Variants in HSD17B12 observed in about 807,000 individuals in gnomAD.
HSD17B12 encodes hydroxysteroid 17-beta dehydrogenase 12.
A neutral mutation model predicts 39.3 loss-of-function variants in HSD17B12; 32 were observed. The observed-to-expected ratio is 0.81, with a 90% confidence interval of 0.61 to 1.09. HSD17B12 has a LOEUF of 1.09. HSD17B12 is among the 50% of genes least tolerant of loss of function. The pLI is 0.00. For missense variants in HSD17B12, 342 were observed against 382.9 expected (o/e 0.89, Z 0.89); for synonymous variants, 150 against 146.7 (o/e 1.02, Z -0.16).
chr11:43,713,918 A>G (rs906522399), intron 1 of HSD17B12, among the ~76,000 whole-genome samples: 1 of 152,192 alleles, frequency 6.6e-6, no homozygotes, highest in Admixed American at 6.5e-5. Flanking sequence ...GGCTGCATAA[A>G]TGTCTTCTTT....
At chr11:43,752,799 C>T (rs906363667) in intron 2 of HSD17B12, among the ~76,000 whole-genome samples, 21 of 152,116 alleles carry the variant, frequency 1.4e-4, no homozygotes, top group African/African-American at 5.1e-4. Context: ...TTTTCCTTAT[C>T]CCTCTTGCCC....
rs1950200861 is a variant in HSD17B12, at chr11:43,724,223, G to C, written c.161-26688G>C. 2.3e-5 allele frequency: 3 copies of C among 131,714 alleles called. No individual in the cohort carries two copies. In the South Asian group the frequency reaches 6.9e-4, roughly 30 times the overall value. 8.2% of individuals were successfully genotyped at this position (131,714 alleles called of 1,614,324 possible). On this transcript the variant is annotated intron_variant, in intron 1 of 10. Coordinates refer to ENST00000278353, the MANE Select transcript of HSD17B12 (RefSeq NM_016142.3). ...TTATATATTTATGTGTATGCTCTGT[G>C]TGTGTGTGTGTGTGTGTGTGTGTGT... is the stretch of plus-strand genomic sequence containing the variant.
At chr11:43,787,632 G>T (rs1010095535) in intron 3 of HSD17B12, among the ~76,000 whole-genome samples, 2 of 151,878 alleles carry the variant, frequency 1.3e-5, no homozygotes, top group African/African-American at 2.4e-5. Flanking sequence ...AGCTTCTTGG[G>T]AGGCTGAGGC....
intron 1 of HSD17B12, among the ~76,000 whole-genome samples, chr11:43,724,643 T>C (rs747002490): frequency 5.3e-5 from 8 of 152,120 alleles, no homozygotes; most frequent in Non-Finnish European, 1.0e-4. Flanking sequence ...GCAAATGAGC[T>C]CTCTCAGACC....
chr11:43,780,192 T>A (rs1950750686), intron 3 of HSD17B12, among the ~76,000 whole-genome samples: 1 of 152,058 alleles, frequency 6.6e-6, no homozygotes, highest in African/African-American at 2.4e-5. Flanking sequence ...TGAGACAGAA[T>A]TTCACTCTTG....
intron 3 of HSD17B12, among the ~76,000 whole-genome samples, chr11:43,756,229 T>G (rs1443334719): frequency 6.6e-6 from 1 of 152,128 alleles, no homozygotes; most frequent in African/African-American, 2.4e-5. Context: ...TTTTTTTTTT[T>G]TAATTATTTT....
At chr11:43,815,332 A>G (rs1269652367) in intron 4 of HSD17B12, 105 bp from the exon 5 acceptor site, 4 of 514,012 alleles carry the variant, frequency 7.8e-6, no homozygotes, top group African/African-American at 1.9e-5. Flanking sequence ...AGCATTTTAT[A>G]TAATTATATA....
the HSD17B12 span, among the ~76,000 whole-genome samples, chr11:43,562,184 T>C: frequency 6.6e-6 from 1 of 152,262 alleles, no homozygotes; most frequent in African/African-American, 2.4e-5. Flanking sequence ...CATGTGTTTC[T>C]GTAATATGTG....
chr11:43,644,780 A>T, the HSD17B12 span: 1 of 152,558 alleles, frequency 6.6e-6, no homozygotes, highest in Non-Finnish European at 1.5e-5. Context: ...GAACGTGTCC[A>T]TGATCGTGTG....
At chr11:43,771,931 AAAC>A (rs2134988567) in intron 3 of HSD17B12, among the ~76,000 whole-genome samples, 1 of 152,360 alleles carries the variant, frequency 6.6e-6, no homozygotes, top group Admixed American at 6.5e-5. Context: ...CTTAAAAACA[AAAC>A]AAGACAAAAC....
chr11:43,595,740 A>C, the HSD17B12 span, among the ~76,000 whole-genome samples: 9 of 152,234 alleles, frequency 5.9e-5, no homozygotes, highest in Non-Finnish European at 1.3e-4. Context: ...AATAAACGAA[A>C]AATAATTCTT....
the HSD17B12 span, among the ~76,000 whole-genome samples, chr11:43,634,175 A>G: frequency 1.1e-4 from 16 of 150,382 alleles, no homozygotes; most frequent in Non-Finnish European, 1.8e-4. Flanking sequence ...TAATTTGCAG[A>G]TGAAATTAAA....
chr11:43,810,307 A>T (rs1951057858), intron 4 of HSD17B12, among the ~76,000 whole-genome samples: 1 of 150,282 alleles, frequency 6.7e-6, no homozygotes, highest in South Asian at 2.1e-4. Context: ...AATCTTGTAA[A>T]TATTCTTTTT....
chr11:43,688,211 C>CA (rs576898419), intron 1 of HSD17B12, among the ~76,000 whole-genome samples: 14,074 of 139,104 alleles, frequency 0.1, 795 homozygotes, highest in Non-Finnish European at 0.14. Context: ...CACTCTGTCT[C>CA]AAAAAAAAAA....
the HSD17B12 span, among the ~76,000 whole-genome samples, chr11:43,655,043 A>T: frequency 6.6e-6 from 1 of 152,126 alleles, no homozygotes; most frequent in South Asian, 2.1e-4. Context: ...ATGAGCATGG[A>T]ATGTCCTTCC....
chr11:43,595,811 T>C, the HSD17B12 span, among the ~76,000 whole-genome samples: 1 of 152,098 alleles, frequency 6.6e-6, no homozygotes, highest in African/African-American at 2.4e-5. Context: ...CATGAAAACA[T>C]TCACAGAACA....
At chr11:43,627,983 A>AC in the HSD17B12 span, among the ~76,000 whole-genome samples, 1 of 151,942 alleles carries the variant, frequency 6.6e-6, no homozygotes, top group African/African-American at 2.4e-5. Context: ...GGGAAGTTGG[A>AC]CCCCATCTCA....
At chr11:43,774,075 A>C (rs764519141) in intron 3 of HSD17B12, among the ~76,000 whole-genome samples, 4 of 152,196 alleles carry the variant, frequency 2.6e-5, no homozygotes, top group Admixed American at 2.6e-4. Context: ...GGCTGGGGTG[A>C]GGCAAAACTG....
chr11:43,633,119 T>C, the HSD17B12 span, among the ~76,000 whole-genome samples: 50 of 152,186 alleles, frequency 3.3e-4, no homozygotes, highest in Non-Finnish European at 6.3e-4. Flanking sequence ...TTGTACCCAC[T>C]AAGTAATTTC....
Sources: gnomAD v4.1 joint callset for allele counts (sites outside exome capture counted in the v4.1 genomes callset) on GRCh38, gnomAD v4.1.1 for gene constraint, MANE v1.5 for transcripts, NCBI Gene and HGNC (gene_info 2026-07-23, HGNC 2026-07-21) for gene names.